RAB40C: variants seen among roughly 807,000 people sequenced by gnomAD.
The protein encoded by RAB40C is ras-related protein Rab-40C.
RAB40C carries 8 observed loss-of-function variants against 28.1 expected under a neutral mutation model. The observed-to-expected ratio is 0.28, with a 90% CI of 0.17 to 0.51. The LOEUF (loss-of-function observed/expected upper bound fraction) is 0.51, where lower values mean the gene tolerates loss of function less well. Among genes scored for constraint, RAB40C ranks in the 20% least tolerant of loss-of-function variants. RAB40C has a pLI of 0.97. For synonymous variants in RAB40C, 201 were observed against 171.7 expected (o/e 1.17, Z -1.34); for missense variants, 288 against 405.9 (o/e 0.71, Z 2.50).
rs574052784 is a variant in RAB40C at position 600,024 on chromosome 16, G to A, written c.142+9591G>A. Among the ~76,000 whole-genome samples the A allele has an allele frequency of 5.7e-4, 85 of 148,940 alleles. 1 individual carries two copies. The South Asian group carries it at 0.011, about 19-fold the overall frequency. ...TCGTGGCATCAGTCAGCGTGGATTC[G>A]CAAGGTTTTGTTCCCTCGTGGCATC... is the stretch of plus-strand genomic sequence containing the variant. On this transcript the variant is annotated intron_variant, in intron 1 of 5. Transcript: ENST00000248139.
chr16:616,835 A>T (rs148202374), intron 1 of RAB40C: 352 of 240,474 alleles, frequency 1.5e-3, no homozygotes, highest in Non-Finnish European at 2.4e-3. Context: ...CCTTTGCCCA[A>T]TGCCCTCTGA....
chr16:589,513 C>T (rs909113025), upstream of RAB40C: 11 of 152,406 alleles, frequency 7.2e-5, no homozygotes, highest in African/African-American at 1.7e-4. Context: ...CGGATACAAA[C>T]AACGTGGACT....
intron 1 of RAB40C, among the ~76,000 whole-genome samples, chr16:592,013 C>G (rs761430045): frequency 6.6e-6 from 1 of 152,186 alleles, no homozygotes; most frequent in Non-Finnish European, 1.5e-5. Context: ...GTGAGTGAGA[C>G]GGTGTGGTCC....
chr16:604,231 C>A (rs1242418309), intron 1 of RAB40C, among the ~76,000 whole-genome samples: 1 of 120,378 alleles, frequency 8.3e-6, no homozygotes, highest in East Asian at 2.1e-4. Context: ...AGAGCTAGTT[C>A]TTTTAAATTT....
chr16:603,290 C>A (rs1217974149), intron 1 of RAB40C, among the ~76,000 whole-genome samples: 2 of 151,778 alleles, frequency 1.3e-5, no homozygotes, highest in Non-Finnish European at 3.0e-5. Flanking sequence ...TACACAGACA[C>A]ATTTGAAATT....
In RAB40C at chr16:625,418, A is replaced by G; in HGVS notation, c.265-14A>G. On this transcript the variant is annotated splice_polypyrimidine_tract_variant and intron_variant, in intron 3 of 5. Transcript: ENST00000248139. ...TGTCAGTGACCCCTGATGACCCCCA[A>G]GTCTCTGTTGCAGGGGATCCTCTTG... The G allele has an allele frequency of 1.9e-6, 3 of 1,612,624 alleles. No individual in the cohort carries two copies. Among genetic ancestry groups the G allele is most frequent in the South Asian group, 1.1e-5 (1 of 91,058 alleles).
Position 590,266 on chromosome 16 carries a change from C to T in RAB40C, c.-26C>T, listed in dbSNP as rs779225337. On this transcript the variant is annotated 5_prime_UTR_variant, in exon 1 of 6. Transcript: ENST00000248139. ...ACCCGGCGGTGCTTCGGCAGGCGGC[C>T]GGCGCGGGGCGCAGGCGGCGCGGCC... is the stretch of plus-strand genomic sequence containing the variant. The T allele has an allele frequency of 3.5e-6, 5 of 1,448,350 alleles. No homozygotes were observed. In the African/African-American group the frequency reaches 4.5e-5, roughly 13 times the overall value. The allele number at this position is 1,448,350 out of a possible 1,614,324, so 89.7% of individuals were successfully genotyped here.
rs774905581 is a variant in RAB40C at position 617,230 on chromosome 16, C to G, written c.165C>G (p.Thr55=). The part of the protein sequence containing the change: ...YSNGIDYKTT[T]ILLDGRRVKL... ...CAGGGATCGACTACAAGACCACCAC[C>G]ATCCTGCTGGACGGCCGGCGCGTGA... The change falls in exon 2 of 6, where the codon ACC becomes ACG. Residue 55 remains threonine, a synonymous_variant. Transcript: ENST00000248139. The G allele has an allele frequency of 4.3e-6, 7 of 1,613,966 alleles. No homozygotes were observed. The African/African-American group carries it at 8.0e-5, about 18-fold the overall frequency.
chr16:625,970 G>A lies in RAB40C; in HGVS notation c.414G>A (p.Thr138=), dbSNP rs577749780. Residue 138 remains threonine (T), a synonymous_variant, in exon 5 of 6, where the codon ACG becomes ACA. Transcript: ENST00000248139. ...LHLAFKRQVP[T]EQARAYAEKN... ...TGGCCTTCAAGCGGCAGGTCCCGAC[G>A]GAGCAGGCCCGCGCGTACGCAGAGA... is the stretch of plus-strand genomic sequence containing the variant. 18 of 1,613,144 alleles carry A rather than the reference G, an allele frequency of 1.1e-5. No homozygotes were observed. Among genetic ancestry groups the A allele is most frequent in the East Asian group, 4.5e-5 (2 of 44,868 alleles).
chr16:610,190 C>A lies in RAB40C; in HGVS notation c.143-7018C>A, dbSNP rs1219511922. On this transcript the variant is annotated intron_variant, in intron 1 of 5. Coordinates refer to ENST00000248139, the MANE Select transcript of RAB40C (RefSeq NM_021168.5). This position sits in a 1 kb window ranked among gnomAD's most constrained non-coding sequence, Gnocchi z 4.6. ...GGCGCCGGTGGCTTTGCTCTGGTGG[C>A]AGGACAGGTGTTCTGACCTCCCTGC... Among the ~76,000 whole-genome samples, 1 of 152,146 alleles carries A rather than the reference C, an allele frequency of 6.6e-6. No individual in the cohort carries two copies. The highest frequency in any genetic ancestry group is 1.9e-4 in the East Asian group (1 of 5,186).
intron 5 of RAB40C, 26 bp from the exon 6 acceptor site, chr16:627,316 G>A (rs370201342): frequency 1.2e-6 from 2 of 1,600,826 alleles, no homozygotes; most frequent in South Asian, 2.2e-5. Context: ...ACAGCCCCAT[G>A]GTCTGACACC....
intron 1 of RAB40C, among the ~76,000 whole-genome samples, chr16:593,899 G>A (rs1271133457): frequency 2.0e-5 from 3 of 152,232 alleles, no homozygotes; most frequent in Non-Finnish European, 4.4e-5. Flanking sequence ...TGATGGTGGC[G>A]AGTTACCCGG....
chr16:621,451 G>A lies in RAB40C; in HGVS notation c.264+3191G>A, dbSNP rs374064505. Among the ~76,000 whole-genome samples, 206 of 152,364 alleles carry A rather than the reference G, an allele frequency of 1.4e-3. 1 individual carries two copies. The highest frequency in any genetic ancestry group is 4.6e-3 in the African/African-American group (190 of 41,586). On this transcript the variant is annotated intron_variant, in intron 3 of 5. Transcript: ENST00000248139. ...GAGGCCTGGAAGGTCCCCGCGGCCT[G>A]GGTCTTGCAGATGGCACCAGCAAAG...
intron 3 of RAB40C, among the ~76,000 whole-genome samples, chr16:618,727 C>T (rs2036645521): frequency 6.8e-6 from 1 of 147,298 alleles, no homozygotes; most frequent in African/African-American, 2.6e-5. Context: ...CATGTGTGTG[C>T]AGGCATGTGC....
At chr16:606,678 G>A (rs919342697) in intron 1 of RAB40C, among the ~76,000 whole-genome samples, 2 of 152,180 alleles carry the variant, frequency 1.3e-5, no homozygotes, top group African/African-American at 4.8e-5. Flanking sequence ...GGTGCAAGCC[G>A]AGCCTTTCCC....
intron 1 of RAB40C, among the ~76,000 whole-genome samples, chr16:605,549 C>T (rs539030049): frequency 1.3e-4 from 20 of 152,224 alleles, no homozygotes; most frequent in Non-Finnish European, 2.5e-4. Flanking sequence ...TCAATGGAGC[C>T]ACACAGGGCA....
Position 625,524 on chromosome 16 carries a change from G to A in RAB40C, c.342+15G>A, listed in dbSNP as rs567184263. On this transcript the variant is annotated intron_variant, in intron 4 of 5. Coordinates refer to ENST00000248139, the MANE Select transcript of RAB40C (RefSeq NM_021168.5). ...AGATCGATGAGGTAGGCCTGGGTCC[G>A]GGGAGCCCTCCCGGGGAAGGCAGGC... 2.9e-5 allele frequency: 47 copies of A among 1,611,772 alleles called. No homozygotes were observed. Among genetic ancestry groups the A allele is most frequent in the Middle Eastern group, 1.7e-4 (1 of 6,054 alleles).
chr16:615,556 C>G (rs904098606), intron 1 of RAB40C, among the ~76,000 whole-genome samples: 10 of 152,170 alleles, frequency 6.6e-5, no homozygotes, highest in East Asian at 3.9e-4. Flanking sequence ...TCCAGAGGGC[C>G]CAGAGCCTGT....
At chr16:609,453 G>A (rs1429726484) in intron 1 of RAB40C, among the ~76,000 whole-genome samples, 3 of 152,064 alleles carry the variant, frequency 2.0e-5, no homozygotes, top group African/African-American at 4.8e-5. Context: ...CAGGATAACC[G>A]TCAGCCCAAA....
Sources: allele counts gnomAD v4.1 joint callset (sites outside exome capture counted in the v4.1 genomes callset), GRCh38; gene constraint gnomAD v4.1.1; non-coding constraint Gnocchi (gnomAD v3.1); transcripts MANE v1.5; gene names NCBI Gene and HGNC (gene_info 2026-07-23, HGNC 2026-07-21).